The following NTM variants were observed in gnomAD, a reference collection of about 807,000 sequenced individuals.
NTM encodes IgLON family member 2.
Under a neutral mutation model 42.1 loss-of-function variants are expected in NTM, and 13 were observed. The ratio of observed to expected loss-of-function variants is 0.31; its 90% confidence interval spans 0.20 to 0.49. The LOEUF (loss-of-function observed/expected upper bound fraction) is 0.49. Among genes scored for constraint, NTM ranks in the 20% least tolerant of loss-of-function variants. The pLI, the probability that NTM is intolerant of heterozygous loss-of-function variation, is 0.99. For missense variants in NTM, 373 were observed against 452.8 expected (o/e 0.82, Z 1.60); for synonymous variants, 187 against 179.2 (o/e 1.04, Z -0.35).
intron 3 of NTM, among the ~76,000 whole-genome samples, chr11:132,172,532 AAAG>A (rs1242534325): frequency 2.8e-4 from 42 of 152,334 alleles, no homozygotes; most frequent in African/African-American, 9.9e-4. Context: ...TTGGCCTGTG[AAAG>A]AAGGAGACTA....
intron 1 of NTM, among the ~76,000 whole-genome samples, chr11:131,487,155 C>G (rs1382075826): frequency 6.6e-6 from 1 of 152,178 alleles, no homozygotes; most frequent in South Asian, 2.1e-4. Context: ...ATCCCTGGGC[C>G]CCTGGAAGCC....
At chr11:132,315,152 C>T (rs1361432125) in intron 7 of NTM, 1 of 852,876 alleles carries the variant, frequency 1.2e-6, no homozygotes, top group Non-Finnish European at 1.4e-6. Context: ...TAGTCAAGAA[C>T]TCAGAGGGGA....
chr11:131,379,841 T>C (rs968019244), intron 1 of NTM, among the ~76,000 whole-genome samples: 3 of 152,170 alleles, frequency 2.0e-5, no homozygotes, highest in African/African-American at 4.8e-5. Context: ...TGCTGGTGGT[T>C]CTTCTCTAGA....
intron 1 of NTM, among the ~76,000 whole-genome samples, chr11:131,415,306 G>A (rs1946833291): frequency 6.6e-6 from 1 of 152,162 alleles, no homozygotes. Context: ...TCGGCCTGAT[G>A]CCTGGTGTGC....
In NTM at chr11:132,286,288, G is replaced by A. The variant is rs190651188; in HGVS notation, c.527-21401G>A. ...AACGAGTCTGGCCTATGGCAGTGCA[G>A]GCTATTTCTGTCTGTTACAGCAGGC... On this transcript the variant is annotated intron_variant, in intron 4 of 8. Coordinates refer to ENST00000683400, the MANE Select transcript of NTM (RefSeq NM_001352005.2). 2.2e-3 allele frequency among the ~76,000 whole-genome samples: 336 copies of A among 152,264 alleles called. 2 individuals are homozygous for A. Among genetic ancestry groups the A allele is most frequent in the Non-Finnish European group, 3.8e-3 (259 of 68,020 alleles).
At chr11:131,811,795 T>G (rs1037530283) in intron 1 of NTM, among the ~76,000 whole-genome samples, 1 of 152,214 alleles carries the variant, frequency 6.6e-6, no homozygotes, top group Non-Finnish European at 1.5e-5. Context: ...ATAGCAAGAT[T>G]CACTCTTGTC....
intron 4 of NTM, among the ~76,000 whole-genome samples, chr11:132,299,442 G>T (rs574063628): frequency 6.6e-6 from 1 of 152,222 alleles, no homozygotes; most frequent in Non-Finnish European, 1.5e-5. Flanking sequence ...GGAAGAAGCA[G>T]TTTCTGTGTA....
chr11:132,226,210 C>A (rs1433118579), intron 4 of NTM, among the ~76,000 whole-genome samples: 2 of 152,172 alleles, frequency 1.3e-5, no homozygotes, highest in Admixed American at 6.5e-5. Flanking sequence ...GATTTATAAT[C>A]CTTTGAGCAT....
intron 1 of NTM, among the ~76,000 whole-genome samples, chr11:131,874,595 T>G (rs1010843396): frequency 6.6e-6 from 1 of 152,190 alleles, no homozygotes; most frequent in Non-Finnish European, 1.5e-5. Context: ...ATTTTACTAT[T>G]TCTTGTGCAT....
intron 2 of NTM, among the ~76,000 whole-genome samples, chr11:132,046,385 A>G (rs2077990710): frequency 7.0e-6 from 1 of 143,360 alleles, no homozygotes; most frequent in South Asian, 2.3e-4. Context: ...AAAAAGGAAA[A>G]GAAAAAAAAA....
intron 1 of NTM, among the ~76,000 whole-genome samples, chr11:131,595,934 A>G (rs2059776844): frequency 6.6e-6 from 1 of 152,244 alleles, no homozygotes; most frequent in Admixed American, 6.5e-5. Context: ...AAAATACGGG[A>G]GCCCATGCCT....
At chr11:132,025,820 T>G (rs2075094189) in intron 2 of NTM, among the ~76,000 whole-genome samples, 1 of 152,232 alleles carries the variant, frequency 6.6e-6, no homozygotes, top group South Asian at 2.1e-4. Flanking sequence ...CATTGGCACT[T>G]ACTAATCACT....
At chr11:132,048,901 G>T (rs1452843984) in intron 2 of NTM, among the ~76,000 whole-genome samples, 1 of 150,218 alleles carries the variant, frequency 6.7e-6, no homozygotes, top group African/African-American at 2.5e-5. Flanking sequence ...CACGGTGCTG[G>T]ATCGGGGCTT....
intron 4 of NTM, among the ~76,000 whole-genome samples, chr11:132,235,170 G>A (rs551772017): frequency 6.6e-6 from 1 of 152,328 alleles, no homozygotes; most frequent in East Asian, 1.9e-4. Flanking sequence ...GTTTTCTAAT[G>A]CAGGGGGAGT....
chr11:132,164,270 TAATA>T (rs929554349), intron 3 of NTM, among the ~76,000 whole-genome samples: 24 of 152,244 alleles, frequency 1.6e-4, no homozygotes, highest in African/African-American at 4.6e-4. Context: ...AATGAGGAAA[TAATA>T]AATCCTGTCT....
chr11:131,767,464 C>A (rs558076091), intron 1 of NTM, among the ~76,000 whole-genome samples: 58 of 152,276 alleles, frequency 3.8e-4, no homozygotes, highest in African/African-American at 1.3e-3. Context: ...TATATTGAAA[C>A]CCTAACCCAA....
intron 1 of NTM, among the ~76,000 whole-genome samples, chr11:131,528,845 G>A (rs1275727806): frequency 6.6e-6 from 1 of 152,188 alleles, no homozygotes. Context: ...ACCTCTCATA[G>A]CACACTTGAT....
intron 1 of NTM, among the ~76,000 whole-genome samples, chr11:131,552,954 CAAAA>C (rs551801203): frequency 1.4e-4 from 22 of 152,250 alleles, no homozygotes; most frequent in Middle Eastern, 3.4e-3. Flanking sequence ...CTACGTATCA[CAAAA>C]AAGACTCACA....
intron 1 of NTM, among the ~76,000 whole-genome samples, chr11:131,415,480 AC>A (rs1234127545): frequency 6.6e-6 from 1 of 152,218 alleles, no homozygotes; most frequent in Non-Finnish European, 1.5e-5. Flanking sequence ...ATAATCATAT[AC>A]CACATTATTA....
Sources: gnomAD v4.1 joint callset for allele counts (sites outside exome capture counted in the v4.1 genomes callset) on GRCh38, gnomAD v4.1.1 for gene constraint, MANE v1.5 for transcripts, NCBI Gene and HGNC (gene_info 2026-07-23, HGNC 2026-07-21) for gene names.